The following TAF1C variants were observed in gnomAD, a reference collection of about 807,000 sequenced individuals.
TAF1C encodes the protein TATA-box binding protein associated factor, RNA polymerase I subunit C, also known as TATA box-binding protein-associated factor RNA polymerase I subunit C.
Under a neutral mutation model 70.5 loss-of-function variants are expected in TAF1C, and 79 were observed. That is an observed-to-expected ratio of 1.12 (90% CI 0.93 to 1.35). The LOEUF is 1.35. TAF1C is among the 40% of genes most tolerant of loss of function. The pLI, the probability that TAF1C is intolerant of heterozygous loss-of-function variation, is 0.00. For missense variants in TAF1C, 1,412 were observed against 1,127.8 expected (o/e 1.25, Z -3.61); for synonymous variants, 614 against 491.1 (o/e 1.25, Z -3.31).
At chr16:84,180,696 G>C in intron 12 of TAF1C, 1 of 878,468 alleles carries the variant, frequency 1.1e-6, no homozygotes. Flanking sequence ...ATGTCCCCGG[G>C]AGGGCGGGTG....
chr16:84,182,521 G>A lies in TAF1C; in HGVS notation c.483-81C>T, dbSNP rs2089263204. 4 of 1,280,748 alleles carry A rather than the reference G, an allele frequency of 3.1e-6. No individual in the cohort carries two copies. Among genetic ancestry groups the A allele is most frequent in the Non-Finnish European group, 4.3e-6 (4 of 935,634 alleles). The allele number at this position is 1,280,748 out of a possible 1,614,324, so 79.3% of individuals were successfully genotyped here. On this transcript the variant is annotated intron_variant, in intron 6 of 14. Coordinates refer to ENST00000566732, the MANE Select transcript of TAF1C (RefSeq NM_001243156.2). This position sits in a 1 kb window ranked among gnomAD's most constrained non-coding sequence, Gnocchi z 5.0. ...TCCCATCCCAAGGAGGCCAAGTGCAGTGGACACATTTCTTATTTACCTAGA... is the reference window on the plus strand; with the variant it reads ...TCCCATCCCAAGGAGGCCAAGTGCAATGGACACATTTCTTATTTACCTAGA...
rs535856105 is a variant in TAF1C, at chr16:84,177,870, G to T, written c.*1071C>A. On this transcript the variant is annotated 3_prime_UTR_variant, in exon 15 of 15. Coordinates refer to ENST00000566732, the MANE Select transcript of TAF1C (RefSeq NM_001243156.2). ...TCCCCAGTTATATGTAGCATAAATG[G>T]TTTAATCATAAATGTCTCCCTTAGG... 6.3e-7 allele frequency: 1 copy of T among 1,576,370 alleles called. No individual in the cohort carries two copies. Among genetic ancestry groups the T allele is most frequent in the Non-Finnish European group, 8.7e-7 (1 of 1,145,832 alleles).
At position 84,181,778 on chromosome 16, in the gene TAF1C, C is replaced by T. The variant is rs781533446; in HGVS notation, c.924G>A (p.Gln308=). The change falls in exon 9 of 15, where the codon CAG becomes CAA. Residue 308 remains glutamine, a synonymous_variant. Transcript: ENST00000566732. ...TGATCCCCGTGGCCCCTTTCTCCAC[C>T]TGCATTGCCTGCAGAAGGGTTGGCT... ...QWQPTLLQAM[Q]VEKGATGISL... 1.9e-6 allele frequency: 3 copies of T among 1,614,022 alleles called. No homozygotes were observed. In the African/African-American group the frequency reaches 4.0e-5, roughly 22 times the overall value.
In TAF1C at chr16:84,178,615, G is replaced by A. The variant is rs138534582; in HGVS notation, c.*326C>T. On this transcript the variant is annotated 3_prime_UTR_variant, in exon 15 of 15. Coordinates refer to ENST00000566732, the MANE Select transcript of TAF1C (RefSeq NM_001243156.2). The stretch of plus-strand genomic sequence containing the variant: ...GGACAGGAAGGCGTGAGAACTGAGG[G>A]ACCTGCCTGAGGCCCCCACAGCTGA... The A allele has an allele frequency of 2.0e-3, 890 of 435,264 alleles. 6 individuals are homozygous for A. The highest frequency in any genetic ancestry group is 4.8e-3 in the South Asian group (237 of 49,504). The allele number at this position is 435,264 out of a possible 1,614,324, so 27.0% of individuals were successfully genotyped here.
rs747237762 is a variant in TAF1C at position 84,181,428 on chromosome 16, A to T, written c.1064T>A (p.Val355Glu). 2 of 1,613,848 alleles carry T rather than the reference A, an allele frequency of 1.2e-6. No homozygotes were observed. Among genetic ancestry groups the T allele is most frequent in the East Asian group, 2.2e-5 (1 of 44,882 alleles). Residue 355 changes from valine (V) to glutamate (E), a missense_variant, in exon 11 of 15, where the codon GTG (valine) becomes GAG (glutamate). Transcript: ENST00000566732. Reference sequence around the variant, plus strand: ...ACGCCACGAAGAGGAGTCCCGGAACACGAGGGTCTCAGGGTCCCTGTAGAT... The same window carrying T: ...ACGCCACGAAGAGGAGTCCCGGAACTCGAGGGTCTCAGGGTCCCTGTAGAT... Reference protein sequence around the residue: ...RQIYRDPETLVFRDSSSWRWA... With the variant: ...RQIYRDPETLEFRDSSSWRWA...
At chr16:84,183,015 C>T in intron 6 of TAF1C, 61 bp downstream of exon 6, 1 of 1,568,380 alleles carries the variant, frequency 6.4e-7, no homozygotes, top group Admixed American at 1.7e-5. Flanking sequence ...GTCCTAGCAC[C>T]TCCTACATCC....
At position 84,179,695 on chromosome 16, in the gene TAF1C, G is replaced by GCCA; in HGVS notation, c.1777_1778insTGG (p.Pro593delinsLeuAla). 1.2e-6 allele frequency: 2 copies of GCCA among 1,612,590 alleles called. No homozygotes were observed. Among genetic ancestry groups the GCCA allele is most frequent in the Non-Finnish European group, 1.7e-6 (2 of 1,179,932 alleles). On this transcript the variant is annotated protein_altering_variant, in exon 15 of 15. Transcript: ENST00000566732. Reference sequence around the variant, plus strand: ...GGAAGCTGTGGGGGCATGGCAGTCAGGTTGGGTGTCGCCAGGAGGCCCAGC... The same window carrying GCCA: ...GGAAGCTGTGGGGGCATGGCAGTCAGCCAGTTGGGTGTCGCCAGGAGGCCCAGC...
At position 84,178,988 on chromosome 16, in the gene TAF1C, G is replaced by A. The variant is rs1408914070; in HGVS notation, c.2485C>T (p.Leu829Phe). The change falls in exon 15 of 15, where the codon CTC becomes TTC. Residue 829 changes from leucine (L) to phenylalanine (F), a missense_variant. Coordinates refer to ENST00000566732, the MANE Select transcript of TAF1C (RefSeq NM_001243156.2). The part of the protein sequence containing the change: ...ATRSQQHTPV[L>F]SSSQPLRKKP... ...TTCCGGAGGGGCTGAGAGCTAGAGA[G>A]GACGGGTGTGTGCTGCTGGGAGCGA... is the stretch of plus-strand genomic sequence containing the variant. 2.5e-6 allele frequency: 4 copies of A among 1,610,772 alleles called. No homozygotes were observed. The highest frequency in any genetic ancestry group is 1.1e-5 in the South Asian group (1 of 91,070).
chr16:84,181,688 T>A (rs1213290534), intron 9 of TAF1C, 25 bp from the exon 10 acceptor site: 39 of 1,613,746 alleles, frequency 2.4e-5, no homozygotes, highest in Non-Finnish European at 3.2e-5. Context: ...TGCATTCACA[T>A]CGGGCTGCTC....
rs2151289944 is a variant in TAF1C, at chr16:84,178,376, C to T, written c.*565G>A. The T allele has an allele frequency of 2.2e-6, 1 of 457,040 alleles. No homozygotes were observed. The allele number at this position is 457,040 out of a possible 1,614,324, so 28.3% of individuals were successfully genotyped here. On this transcript the variant is annotated 3_prime_UTR_variant, in exon 15 of 15. Transcript: ENST00000566732. ...TCCAGCCTAAAAAACGTGACCATTCCAATTCATCTTCAGCTGCCAAGTGTA... is the reference window on the plus strand; with the variant it reads ...TCCAGCCTAAAAAACGTGACCATTCTAATTCATCTTCAGCTGCCAAGTGTA...
Position 84,178,218 on chromosome 16 carries a change from A to G in TAF1C, c.*723T>C. On this transcript the variant is annotated 3_prime_UTR_variant, in exon 15 of 15. Transcript: ENST00000566732. ...CAGAGAATTCCCCCAAACTGACATG[A>G]CCGTGACCCTCTGCTCAGAGGGCAC... is the stretch of plus-strand genomic sequence containing the variant. The G allele has an allele frequency of 2.5e-6, 1 of 407,028 alleles. No homozygotes were observed. The highest frequency in any genetic ancestry group is 1.8e-5 in the South Asian group (1 of 54,750). The allele number at this position is 407,028 out of a possible 1,614,324, so 25.2% of individuals were successfully genotyped here.
rs2089264623 is a variant in TAF1C at position 84,182,544 on chromosome 16, A to G, written c.483-104T>C. The G allele has an allele frequency of 2.6e-6, 3 of 1,138,490 alleles. No homozygotes were observed. The East Asian group carries it at 7.7e-5, about 29-fold the overall frequency. The allele number at this position is 1,138,490 out of a possible 1,614,324, so 70.5% of individuals were successfully genotyped here. A position where few individuals can be genotyped will look rare whatever the true frequency, so the allele number is the denominator to read the frequency against. On this transcript the variant is annotated intron_variant, in intron 6 of 14. Coordinates refer to ENST00000566732, the MANE Select transcript of TAF1C (RefSeq NM_001243156.2). The surrounding 1 kb of genome is among the most constrained non-coding windows in gnomAD (Gnocchi z 5.0). The stretch of plus-strand genomic sequence containing the variant: ...CAGTGGACACATTTCTTATTTACCT[A>G]GAATTTCTTCCTTTGGGAGACCACC...
Position 84,179,746 on chromosome 16 carries a change from T to C in TAF1C, c.1727A>G (p.Gln576Arg), listed in dbSNP as rs200215727. 7.1e-4 allele frequency: 1,143 copies of C among 1,610,678 alleles called. 1 individual carries two copies. The highest frequency in any genetic ancestry group is 9.2e-4 in the Non-Finnish European group (1,090 of 1,179,352). The change falls in exon 15 of 15, where the codon CAG (glutamine) becomes CGG (arginine). Residue 576 changes from glutamine to arginine, a missense_variant. Gln to Arg is a conservative substitution (Grantham distance 43, BLOSUM62 1). Transcript: ENST00000566732. ...GDVFYQQLRP[Q>R]VDSSLRRDAG... ...ATCTCTGCGGAGGCTGGAGTCCACC[T>C]GGGGGCGGAGCTGCTGGTAGAAGAC...
chr16:84,185,792 C>A (rs4150120), intron 1 of TAF1C, among the ~76,000 whole-genome samples: 1 of 151,968 alleles, frequency 6.6e-6, no homozygotes, highest in Non-Finnish European at 1.5e-5. Context: ...CCCAGCTACT[C>A]GGGAGGCTGA....
intron 13 of TAF1C, 33 bp from the exon 14 acceptor site, chr16:84,180,116 A>G (rs983410925): frequency 1.9e-6 from 3 of 1,568,972 alleles, no homozygotes; most frequent in Admixed American, 3.9e-5. Flanking sequence ...GGCCCTGTCC[A>G]GGCCCCGACC....
In TAF1C at chr16:84,178,304, C is replaced by G; in HGVS notation, c.*637G>C. ...AGGGAGAAGGAACATCAGCCATCAT[C>G]TCTCTGCATGAGCTCAGTGTCAGGT... is the stretch of plus-strand genomic sequence containing the variant. On this transcript the variant is annotated 3_prime_UTR_variant, in exon 15 of 15. Transcript: ENST00000566732. 1 of 456,806 alleles carries G rather than the reference C, an allele frequency of 2.2e-6. No homozygotes were observed. The highest frequency in any genetic ancestry group is 1.5e-5 in the South Asian group (1 of 64,526). The allele number at this position is 456,806 out of a possible 1,614,324, so 28.3% of individuals were successfully genotyped here.
Position 84,180,036 on chromosome 16 carries a change from G to A in TAF1C, c.1531C>T (p.Pro511Ser), listed in dbSNP as rs1324257678. The change falls in exon 14 of 15, where the codon CCT (proline) becomes TCT (serine). Residue 511 changes from proline to serine, a missense_variant. Coordinates refer to ENST00000566732, the MANE Select transcript of TAF1C (RefSeq NM_001243156.2). The stretch of plus-strand genomic sequence containing the variant: ...GCAGGGAGGGAGTCGATCCTGGAAG[G>A]AAGAGACTGGGGGGGGCCTGCCAGG... ...PRLAGPPQSLPSRIDSLPAFP... is the reference protein window; with the variant it reads ...PRLAGPPQSLSSRIDSLPAFP... 4 of 1,609,216 alleles carry A rather than the reference G, an allele frequency of 2.5e-6. No homozygotes were observed. Among genetic ancestry groups the A allele is most frequent in the East Asian group, 4.5e-5 (2 of 44,882 alleles).
Position 84,179,770 on chromosome 16 carries a change from A to C in TAF1C, c.1703T>G (p.Val568Gly). ...CTGGGGGCGGAGCTGCTGGTAGAAG[A>C]CATCTCCCGCCGCCGAGAGCTGGAA... Reference protein sequence around the residue: ...VLFQLSAAGDVFYQQLRPQVD... With the variant: ...VLFQLSAAGDGFYQQLRPQVD... Residue 568 changes from valine (V) to glycine (G), a missense_variant, in exon 15 of 15, where the codon GTC becomes GGC. Coordinates refer to ENST00000566732, the MANE Select transcript of TAF1C (RefSeq NM_001243156.2). 6.2e-7 allele frequency: 1 copy of C among 1,609,660 alleles called. No homozygotes were observed. The highest frequency in any genetic ancestry group is 8.5e-7 in the Non-Finnish European group (1 of 1,178,794).
At chr16:84,180,730 G>GC in intron 12 of TAF1C, 1 of 1,150,200 alleles carries the variant, frequency 8.7e-7, no homozygotes, top group Non-Finnish European at 1.1e-6. Context: ...CTTCCTCAGA[G>GC]CCCCCGCCTC....
Sources: gnomAD v4.1 joint callset for allele counts (sites outside exome capture counted in the v4.1 genomes callset) on GRCh38, gnomAD v4.1.1 for gene constraint, Gnocchi (gnomAD v3.1) non-coding constraint, MANE v1.5 for transcripts, NCBI Gene and HGNC (gene_info 2026-07-23, HGNC 2026-07-21) for gene names.